SPOP: variants seen among roughly 807,000 people sequenced by gnomAD.
SPOP encodes speckle type BTB/POZ protein.
A neutral mutation model predicts 45.6 loss-of-function variants in SPOP; 11 were observed. That is an observed-to-expected ratio of 0.24 (90% CI 0.15 to 0.40). The LOEUF is 0.40. Ranked by LOEUF, SPOP falls within the 10% of genes least tolerant of loss-of-function variation. The pLI, the probability that SPOP is intolerant of heterozygous loss-of-function variation, is 1.00. For missense variants in SPOP, 152 were observed against 465.6 expected, an observed-to-expected ratio of 0.33 and a Z score of 6.20; for synonymous variants, 166 against 166.3, an observed-to-expected ratio of 1.00 and a Z score of 0.01.
In SPOP at chr17:49,662,579, C is replaced by T. The variant is rs978133181; in HGVS notation, c.-67+15354G>A. 8.6e-5 allele frequency among the ~76,000 whole-genome samples: 13 copies of T among 151,696 alleles called. No individual in the cohort carries two copies. In the East Asian group the frequency reaches 2.3e-3, roughly 27 times the overall value. ...GCAGGCGCCTGTAATCCCAGCTACT[C>T]GGGAGGTTGAGGCAGGACAGTCGCT... On this transcript the variant is annotated intron_variant, in intron 1 of 9. Coordinates refer to ENST00000504102, the MANE Select transcript of SPOP (RefSeq NM_001007228.2).
chr17:49,622,259 T>C (rs1004124301), intron 2 of SPOP, 192 bp from the exon 3 acceptor site: 2 of 726,144 alleles, frequency 2.8e-6, no homozygotes, highest in East Asian at 6.0e-5. Flanking sequence ...ATAGCTTTTA[T>C]AACTTTTTTC....
At chr17:49,657,014 T>C (rs2072921393) in intron 1 of SPOP, among the ~76,000 whole-genome samples, 1 of 151,840 alleles carries the variant, frequency 6.6e-6, no homozygotes, top group African/African-American at 2.4e-5. Context: ...ATCCCGTCTC[T>C]ACTAAAAAAA....
At chr17:49,628,327 C>G (rs949826135) in intron 1 of SPOP, among the ~76,000 whole-genome samples, 1 of 152,174 alleles carries the variant, frequency 6.6e-6, no homozygotes, top group African/African-American at 2.4e-5. Flanking sequence ...TAAAAAAATG[C>G]ACTTTAAAAT....
intron 1 of SPOP, among the ~76,000 whole-genome samples, chr17:49,640,849 T>C (rs1462851275): frequency 6.6e-6 from 1 of 152,150 alleles, no homozygotes; most frequent in Non-Finnish European, 1.5e-5. Flanking sequence ...CTTGGAGCAT[T>C]GTACGTGTCA....
chr17:49,601,537 A>G (rs1241020422), intron 9 of SPOP: 1 of 205,742 alleles, frequency 4.9e-6, no homozygotes, highest in African/African-American at 2.3e-5. Context: ...ACATATGTCT[A>G]TCCTCCTAGA....
chr17:49,601,826 AACT>A (rs1475723525), intron 9 of SPOP, 36 bp downstream of exon 9: 1 of 1,609,354 alleles, frequency 6.2e-7, no homozygotes, highest in Non-Finnish European at 8.5e-7. Flanking sequence ...TCAGCTATCC[AACT>A]ATTTTGAAAG....
intron 1 of SPOP, among the ~76,000 whole-genome samples, chr17:49,652,140 A>G (rs2072851390): frequency 6.6e-6 from 1 of 152,220 alleles, no homozygotes. Context: ...TGATGCTCAA[A>G]GGAAATGTTC....
chr17:49,660,636 TCCA>T (rs138215248), intron 1 of SPOP, among the ~76,000 whole-genome samples: 76 of 152,284 alleles, frequency 5.0e-4, no homozygotes, highest in African/African-American at 1.8e-3. Context: ...CCCTGACTCC[TCCA>T]CCTAAATTTA....
At chr17:49,663,274 A>C (rs377430134) in intron 1 of SPOP, among the ~76,000 whole-genome samples, 18 of 152,314 alleles carry the variant, frequency 1.2e-4, no homozygotes, top group South Asian at 8.3e-4. Flanking sequence ...CTAGGTTGCA[A>C]GCTCCTTATG....
At chr17:49,606,488 CTTTTT>C (rs1283240129) in intron 8 of SPOP, among the ~76,000 whole-genome samples, 3 of 115,466 alleles carry the variant, frequency 2.6e-5, no homozygotes, top group Non-Finnish European at 5.0e-5. Context: ...TTTCTTGTTT[CTTTTT>C]TCTTTTTTTT....
At chr17:49,646,178 C>T (rs1306262518) in intron 1 of SPOP, 2 of 152,166 alleles carry the variant, frequency 1.3e-5, no homozygotes, top group Non-Finnish European at 2.9e-5. Context: ...TCACAAGTCA[C>T]TTTGGTTAGG....
At chr17:49,648,005 TC>T (rs2072787432) in intron 1 of SPOP, among the ~76,000 whole-genome samples, 1 of 152,208 alleles carries the variant, frequency 6.6e-6, no homozygotes, top group Non-Finnish European at 1.5e-5. Context: ...ATTTCAGGTG[TC>T]CATACTAACT....
At chr17:49,669,879 A>G (rs1214862026) in intron 1 of SPOP, among the ~76,000 whole-genome samples, 1 of 152,150 alleles carries the variant, frequency 6.6e-6, no homozygotes, top group Non-Finnish European at 1.5e-5. Flanking sequence ...CAAGTAAAGG[A>G]ATATATAAAT....
At position 49,632,018 on chromosome 17, in the gene SPOP, A is replaced by C. The variant is rs533031304; in HGVS notation, c.-66-9142T>G. Among the ~76,000 whole-genome samples the C allele has an allele frequency of 2.6e-5, 4 of 152,314 alleles. No homozygotes were observed. In the South Asian group the frequency reaches 8.3e-4, roughly 32 times the overall value. On this transcript the variant is annotated intron_variant, in intron 1 of 9. Transcript: ENST00000504102. ...CCTACTAGAAGTTAAGCTCAACGAG[A>C]ATAGTATCCCCCTGTGCCTAGAATG...
Position 49,665,442 on chromosome 17 carries a change from G to A in SPOP, c.-67+12491C>T, listed in dbSNP as rs139340069. Among the ~76,000 whole-genome samples, 473 of 151,472 alleles carry A rather than the reference G, an allele frequency of 3.1e-3. 1 individual carries two copies. The highest frequency in any genetic ancestry group is 6.8e-3 in the Middle Eastern group (2 of 292). Reference sequence around the variant, plus strand: ...ATCCTGGCTAACATAGTGAAACCCCGTCTCTACTAAAAATACAAAAAAATT... The same window carrying A: ...ATCCTGGCTAACATAGTGAAACCCCATCTCTACTAAAAATACAAAAAAATT... On this transcript the variant is annotated intron_variant, in intron 1 of 9. Transcript: ENST00000504102.
intron 1 of SPOP, among the ~76,000 whole-genome samples, chr17:49,664,165 A>G (rs1268789691): frequency 6.6e-6 from 1 of 152,232 alleles, no homozygotes; most frequent in Non-Finnish European, 1.5e-5. Context: ...ATAAGAAACT[A>G]ACACTTGTCA....
intron 2 of SPOP, chr17:49,622,345 G>T: frequency 1.7e-6 from 1 of 573,068 alleles, no homozygotes; most frequent in Non-Finnish European, 3.3e-6. Flanking sequence ...CCACCACCAT[G>T]GACAGGGCTG....
At chr17:49,616,127 G>A (rs2072080635) in intron 5 of SPOP, among the ~76,000 whole-genome samples, 2 of 152,186 alleles carry the variant, frequency 1.3e-5, no homozygotes, top group Admixed American at 1.3e-4. Flanking sequence ...TGAACTCAAT[G>A]TAGGGCACAT....
rs978296694 is a variant in SPOP, at chr17:49,600,096, A to G, written c.*282T>C. The G allele has an allele frequency of 9.8e-6, 4 of 406,452 alleles. No individual in the cohort carries two copies. The highest frequency in any genetic ancestry group is 6.9e-4 in the Middle Eastern group (1 of 1,450). The allele number at this position is 406,452 out of a possible 1,614,324, so 25.2% of individuals were successfully genotyped here. A position where few individuals can be genotyped will look rare whatever the true frequency, so the allele number is the denominator to read the frequency against. ...GTGTCTCCGAAGTACCACCGCTGGG[A>G]TATCCTCGGGCCAGCGCCTAAACTG... On this transcript the variant is annotated 3_prime_UTR_variant, in exon 10 of 10. Coordinates refer to ENST00000504102, the MANE Select transcript of SPOP (RefSeq NM_001007228.2). This position sits in a 1 kb window ranked among gnomAD's most constrained non-coding sequence, Gnocchi z 4.2.
Sources: allele counts gnomAD v4.1 joint callset (sites outside exome capture counted in the v4.1 genomes callset), GRCh38; gene constraint gnomAD v4.1.1; non-coding constraint Gnocchi (gnomAD v3.1); transcripts MANE v1.5; gene names NCBI Gene and HGNC (gene_info 2026-07-23, HGNC 2026-07-21).